CALN1: variants seen among roughly 807,000 people sequenced by gnomAD.
CALN1 encodes the protein calcium-binding protein 8.
CALN1 carries 17 observed loss-of-function variants against 30.6 expected under a neutral mutation model. The ratio of observed to expected loss-of-function variants is 0.56; its 90% CI spans 0.38 to 0.83. The LOEUF is 0.83. Ranked by LOEUF, CALN1 falls within the 40% of genes least tolerant of loss-of-function variation. The pLI is 0.00. For missense variants in CALN1, 291 were observed against 354.9 expected (o/e 0.82, Z 1.45); for synonymous variants, 156 against 131.4 (o/e 1.19, Z -1.28).
intron 3 of CALN1, among the ~76,000 whole-genome samples, chr7:72,202,511 C>G (rs547697859): frequency 6.6e-6 from 1 of 152,270 alleles, no homozygotes; most frequent in Non-Finnish European, 1.5e-5. Context: ...AAACTTTAAA[C>G]CATTGCTGGA....
At position 71,891,816 on chromosome 7, in the gene CALN1, C is replaced by T. The variant is rs181539640; in HGVS notation, c.502-81324G>A. On this transcript the variant is annotated intron_variant, in intron 5 of 6. Coordinates refer to ENST00000395275, the MANE Select transcript of CALN1 (RefSeq NM_031468.4). Reference sequence around the variant, plus strand: ...AAAATTAGCTGGGCATGGTGGCTCACGCCTGTAATCCCAGCTACTCTGGAG... The same window carrying T: ...AAAATTAGCTGGGCATGGTGGCTCATGCCTGTAATCCCAGCTACTCTGGAG... Among the ~76,000 whole-genome samples the T allele has an allele frequency of 1.8e-3, 266 of 151,662 alleles. 2 individuals are homozygous for T. Among genetic ancestry groups the T allele is most frequent in the Non-Finnish European group, 2.8e-3 (189 of 67,636 alleles).
intron 3 of CALN1, among the ~76,000 whole-genome samples, chr7:72,188,213 G>C (rs923077502): frequency 6.6e-6 from 1 of 152,012 alleles, no homozygotes; most frequent in African/African-American, 2.4e-5. Context: ...CAAAAATGTG[G>C]AACCAGCCCA....
At chr7:72,420,316 A>C (rs1160016756) in intron 1 of CALN1, among the ~76,000 whole-genome samples, 1 of 152,142 alleles carries the variant, frequency 6.6e-6, no homozygotes, top group African/African-American at 2.4e-5. Context: ...GCCCAGCATG[A>C]AATAACTACA....
At chr7:71,915,771 G>A (rs918784584) in intron 5 of CALN1, among the ~76,000 whole-genome samples, 11 of 151,892 alleles carry the variant, frequency 7.2e-5, no homozygotes, top group African/African-American at 2.4e-4. Context: ...AACCCAATCT[G>A]CCCAAGAGGT....
At chr7:72,024,681 G>A (rs979980019) in intron 4 of CALN1, among the ~76,000 whole-genome samples, 1 of 152,156 alleles carries the variant, frequency 6.6e-6, no homozygotes, top group Non-Finnish European at 1.5e-5. Context: ...TTACAGGAGT[G>A]AGCCACCATG....
At chr7:72,028,925 A>G (rs929937826) in intron 4 of CALN1, among the ~76,000 whole-genome samples, 1 of 152,012 alleles carries the variant, frequency 6.6e-6, no homozygotes, top group Non-Finnish European at 1.5e-5. Context: ...TGGGAGGTGG[A>G]GGTTGCAGTG....
At chr7:72,404,565 T>C (rs1806573465) in intron 1 of CALN1, among the ~76,000 whole-genome samples, 1 of 152,176 alleles carries the variant, frequency 6.6e-6, no homozygotes, top group African/African-American at 2.4e-5. Flanking sequence ...GTCTACACAT[T>C]GCAGCAGGCA....
At chr7:72,182,003 A>G (rs1789845395) in intron 3 of CALN1, among the ~76,000 whole-genome samples, 1 of 152,226 alleles carries the variant, frequency 6.6e-6, no homozygotes, top group Admixed American at 6.5e-5. Flanking sequence ...TAAACACAGC[A>G]TTCTAGTGCA....
intron 1 of CALN1, among the ~76,000 whole-genome samples, chr7:72,424,192 T>A (rs989772892): frequency 7.2e-5 from 11 of 152,060 alleles, no homozygotes; most frequent in Non-Finnish European, 1.6e-4. Context: ...GCCCTCAGTC[T>A]CAGGTGTCCA....
intron 2 of CALN1, among the ~76,000 whole-genome samples, chr7:72,358,149 G>A (rs1203546726): frequency 9.2e-5 from 14 of 151,752 alleles, no homozygotes; most frequent in Admixed American, 9.2e-4. Flanking sequence ...GCACCACCAT[G>A]CCTAACTAAT....
At chr7:72,217,636 C>T (rs1792930001) in intron 3 of CALN1, among the ~76,000 whole-genome samples, 1 of 151,856 alleles carries the variant, frequency 6.6e-6, no homozygotes, top group Admixed American at 6.6e-5. Context: ...TCACAGGCAT[C>T]TCTAGGGTCC....
At chr7:71,830,584 G>T (rs1472891065) in intron 5 of CALN1, among the ~76,000 whole-genome samples, 2 of 152,104 alleles carry the variant, frequency 1.3e-5, no homozygotes, top group Non-Finnish European at 2.9e-5. Flanking sequence ...CTGACCTCAA[G>T]TGATCCACCT....
At chr7:71,901,790 A>G (rs1330905179) in intron 5 of CALN1, among the ~76,000 whole-genome samples, 1 of 152,188 alleles carries the variant, frequency 6.6e-6, no homozygotes. Context: ...AGACTTAAAT[A>G]TAAGACCCAA....
At chr7:72,168,259 G>T (rs1788669195) in intron 3 of CALN1, among the ~76,000 whole-genome samples, 1 of 151,708 alleles carries the variant, frequency 6.6e-6, no homozygotes, top group Non-Finnish European at 1.5e-5. Flanking sequence ...GAAATAACTT[G>T]GGAAGAGGAT....
chr7:71,847,692 G>GAGGAAGAAGAAAGA (rs2116554274), intron 5 of CALN1, among the ~76,000 whole-genome samples: 1 of 114,284 alleles, frequency 8.8e-6, no homozygotes, highest in South Asian at 3.2e-4. Context: ...AAAAAAAAAG[G>GAGGAAGAAGAAAGA]AGGAAGAAGA....
chr7:72,234,285 C>T (rs1454507448), intron 3 of CALN1, among the ~76,000 whole-genome samples: 4 of 152,116 alleles, frequency 2.6e-5, no homozygotes, highest in Non-Finnish European at 4.4e-5. Context: ...CCCCGGGAGC[C>T]CAGCCAAGAT....
chr7:72,211,656 T>C (rs1470875687), intron 3 of CALN1, among the ~76,000 whole-genome samples: 2 of 152,230 alleles, frequency 1.3e-5, no homozygotes, highest in Non-Finnish European at 2.9e-5. Context: ...GAATGTTAGC[T>C]ATCGCTGCAA....
At chr7:72,352,388 C>CAA (rs59245091) in intron 2 of CALN1, among the ~76,000 whole-genome samples, 28,747 of 81,840 alleles carry the variant, frequency 0.35, 5,925 homozygotes, top group Middle Eastern at 0.46. Context: ...GACTCTGTCT[C>CAA]AAAAAAAAAA....
At chr7:71,808,184 AATT>A (rs1459087832) in intron 6 of CALN1, among the ~76,000 whole-genome samples, 1 of 152,030 alleles carries the variant, frequency 6.6e-6, no homozygotes, top group Non-Finnish European at 1.5e-5. Context: ...CATAATTATT[AATT>A]ATGATATTTA....
Sources: gnomAD v4.1 joint callset for allele counts (sites outside exome capture counted in the v4.1 genomes callset) on GRCh38, gnomAD v4.1.1 for gene constraint, MANE v1.5 for transcripts, NCBI Gene and HGNC (gene_info 2026-07-23, HGNC 2026-07-21) for gene names.